Variants in ERBB4 observed in about 807,000 individuals in gnomAD.
ERBB4 encodes erb-b2 receptor tyrosine kinase 4, also known as receptor tyrosine-protein kinase erbB-4.
ERBB4 carries 42 observed loss-of-function variants against 158.0 expected under a neutral mutation model. That is an observed-to-expected ratio of 0.27 (90% CI 0.21 to 0.34). The LOEUF is 0.34. ERBB4 is among the 10% of genes least tolerant of loss of function. The pLI is 1.00. For synonymous variants in ERBB4, 583 were observed against 558.7 expected, an observed-to-expected ratio of 1.04 and a Z score of -0.61; for missense variants, 1,333 against 1,624.1, an observed-to-expected ratio of 0.82 and a Z score of 3.08.
At chr2:211,709,502 C>T (rs2073608273) in intron 9 of ERBB4, among the ~76,000 whole-genome samples, 1 of 151,876 alleles carries the variant, frequency 6.6e-6, no homozygotes, top group Non-Finnish European at 1.5e-5. Context: ...AATCTTTCTA[C>T]TATCACAAAA....
chr2:211,599,513 C>CTG (rs6147153), intron 19 of ERBB4, among the ~76,000 whole-genome samples: 2,326 of 140,904 alleles, frequency 0.017, 41 homozygotes, highest in Middle Eastern at 0.062. Context: ...ATAATTTCTT[C>CTG]TGTGTGTGTG....
chr2:212,305,135 C>A (rs1485361265), intron 1 of ERBB4, among the ~76,000 whole-genome samples: 1 of 151,348 alleles, frequency 6.6e-6, no homozygotes, highest in African/African-American at 2.4e-5. Flanking sequence ...AGTCTCCTTT[C>A]TTTTGAAACC....
At chr2:212,291,067 A>G (rs1203850342) in intron 1 of ERBB4, among the ~76,000 whole-genome samples, 3 of 152,114 alleles carry the variant, frequency 2.0e-5, no homozygotes, top group East Asian at 1.9e-4. Flanking sequence ...ACCAACACAC[A>G]TTGCCCAATA....
intron 3 of ERBB4, among the ~76,000 whole-genome samples, chr2:211,909,560 T>A (rs541518701): frequency 1.3e-5 from 2 of 151,970 alleles, no homozygotes; most frequent in African/African-American, 4.8e-5. Flanking sequence ...CAATGGCAAG[T>A]ATTTGTGTAT....
At position 212,232,466 on chromosome 2, in the gene ERBB4, T is replaced by C. The variant is rs946922379; in HGVS notation, c.83-107563A>G. 2.6e-5 allele frequency among the ~76,000 whole-genome samples: 4 copies of C among 152,264 alleles called. No individual in the cohort carries two copies. In the East Asian group the frequency reaches 5.8e-4, roughly 22 times the overall value. ...CTCTGTAACCCAGGCTGGAGTGCAG[T>C]AGCATGATCTCAGCTCACCACAACC... On this transcript the variant is annotated intron_variant, in intron 1 of 27. Coordinates refer to ENST00000342788, the MANE Select transcript of ERBB4 (RefSeq NM_005235.3).
intron 5 of ERBB4, among the ~76,000 whole-genome samples, chr2:211,728,287 GT>G (rs1358824448): frequency 6.6e-6 from 1 of 150,890 alleles, no homozygotes; most frequent in Non-Finnish European, 1.5e-5. Context: ...GTATTACTAT[GT>G]TTGTAACTGT....
chr2:211,486,938 C>G (rs970001925), intron 20 of ERBB4, among the ~76,000 whole-genome samples: 1 of 151,838 alleles, frequency 6.6e-6, no homozygotes, highest in Admixed American at 6.6e-5. Flanking sequence ...ACAGCTTCAT[C>G]AGATAATATA....
intron 1 of ERBB4, among the ~76,000 whole-genome samples, chr2:212,303,845 T>G (rs1339146049): frequency 6.6e-6 from 1 of 151,416 alleles, no homozygotes; most frequent in Non-Finnish European, 1.5e-5. Flanking sequence ...TAATGCAGGG[T>G]AGAAGTGCAG....
At chr2:211,632,092 G>T (rs1001244911) in intron 16 of ERBB4, among the ~76,000 whole-genome samples, 1 of 151,966 alleles carries the variant, frequency 6.6e-6, no homozygotes, top group Non-Finnish European at 1.5e-5. Context: ...ATCTAAAAAG[G>T]TAGTTCATCC....
intron 1 of ERBB4, among the ~76,000 whole-genome samples, chr2:212,306,866 A>G (rs2086830671): frequency 6.6e-6 from 1 of 151,092 alleles, no homozygotes; most frequent in Admixed American, 6.6e-5. Context: ...TTAAATAAAA[A>G]CCAATTAAAA....
At chr2:211,971,913 C>G (rs2081464277) in intron 2 of ERBB4, among the ~76,000 whole-genome samples, 1 of 152,118 alleles carries the variant, frequency 6.6e-6, no homozygotes, top group Admixed American at 6.6e-5. Context: ...ATCGAAAGTT[C>G]TAGCCAGGGC....
rs141679714 is a variant in ERBB4, at chr2:211,573,198, C to A, written c.2302-11110G>T. ...GAAGGAGACAGAAATTAGAGTGATG[C>A]CCCCACAAGCCAAGGAACATCTGTA... is the stretch of plus-strand genomic sequence containing the variant. On this transcript the variant is annotated intron_variant, in intron 19 of 27. Transcript: ENST00000342788. Among the ~76,000 whole-genome samples the A allele has an allele frequency of 3.4e-3, 519 of 152,172 alleles. 1 individual carries two copies. Among genetic ancestry groups the A allele is most frequent in the African/African-American group, 0.012 (498 of 41,500 alleles).
intron 1 of ERBB4, among the ~76,000 whole-genome samples, chr2:212,336,196 G>C (rs1394782): frequency 6.6e-6 from 1 of 151,846 alleles, no homozygotes; most frequent in African/African-American, 2.4e-5. Context: ...GCTTATCTGT[G>C]ACAGCTTTTC....
intron 3 of ERBB4, among the ~76,000 whole-genome samples, chr2:211,831,564 T>A (rs2077220234): frequency 6.6e-6 from 1 of 152,184 alleles, no homozygotes; most frequent in African/African-American, 2.4e-5. Context: ...TGGAATGTTA[T>A]GTTTCCTAAC....
At chr2:212,260,627 A>C (rs958868321) in intron 1 of ERBB4, among the ~76,000 whole-genome samples, 4 of 152,128 alleles carry the variant, frequency 2.6e-5, no homozygotes, top group Admixed American at 2.6e-4. Context: ...AGCCTGGCAA[A>C]CATGGTGAAA....
chr2:212,435,026 A>G (rs544091489), intron 1 of ERBB4, among the ~76,000 whole-genome samples: 2 of 152,158 alleles, frequency 1.3e-5, no homozygotes, highest in South Asian at 4.1e-4. Flanking sequence ...CAAATAACTG[A>G]AATAATTTTT....
At chr2:211,478,113 G>A (rs2065001007) in intron 20 of ERBB4, among the ~76,000 whole-genome samples, 2 of 152,100 alleles carry the variant, frequency 1.3e-5, no homozygotes, top group Non-Finnish European at 2.9e-5. Context: ...CAAATAAAGG[G>A]ATGCCAACCA....
intron 20 of ERBB4, among the ~76,000 whole-genome samples, chr2:211,542,699 A>ATT (rs1001574672): frequency 6.6e-6 from 1 of 151,754 alleles, no homozygotes; most frequent in African/African-American, 2.4e-5. Context: ...AGTTTTTTGC[A>ATT]TTTTTTTAAT....
intron 1 of ERBB4, among the ~76,000 whole-genome samples, chr2:212,379,316 T>C (rs1247082944): frequency 4.6e-5 from 7 of 151,748 alleles, no homozygotes. Context: ...AACAAAGTAG[T>C]CGTCAATATG....
Sources: allele counts gnomAD v4.1 joint callset (sites outside exome capture counted in the v4.1 genomes callset), GRCh38; gene constraint gnomAD v4.1.1; transcripts MANE v1.5; gene names NCBI Gene and HGNC (gene_info 2026-07-23, HGNC 2026-07-21).